The following GNA14 variants were observed in gnomAD, a reference collection of about 807,000 sequenced individuals.
The protein encoded by GNA14 is guanine nucleotide-binding protein subunit alpha-14.
GNA14 carries 50 observed loss-of-function variants against 42.0 expected under a neutral mutation model. That is an observed-to-expected ratio of 1.19 (90% CI 0.95 to 1.51). The LOEUF is 1.51. GNA14 is among the 40% of genes most tolerant of loss of function. GNA14 has a pLI of 0.00. For synonymous variants in GNA14, 173 were observed against 163.1 expected (o/e 1.06, Z -0.46); for missense variants, 473 against 446.2 (o/e 1.06, Z -0.54).
chr9:77,600,949 G>A (rs1483716264), intron 1 of GNA14, among the ~76,000 whole-genome samples: 1 of 152,174 alleles, frequency 6.6e-6, no homozygotes, highest in Non-Finnish European at 1.5e-5. Flanking sequence ...AAACAGATTA[G>A]GAGTGAAGAA....
rs984885199 is a variant in GNA14 at position 77,525,057 on chromosome 9, T to C, written c.309+4012A>G. ...TTTTACATGGCCCATGAGTCAAAAA[T>C]AGTTCTTACTATTCTCAACTGTATT... On this transcript the variant is annotated intron_variant, in intron 2 of 6. Coordinates refer to ENST00000341700, the MANE Select transcript of GNA14 (RefSeq NM_004297.4). Among the ~76,000 whole-genome samples the C allele has an allele frequency of 2.0e-5, 3 of 152,204 alleles. No homozygotes were observed. The East Asian group carries it at 5.8e-4, about 29-fold the overall frequency.
chr9:77,496,107 T>C (rs914570165), intron 2 of GNA14, among the ~76,000 whole-genome samples: 11 of 152,222 alleles, frequency 7.2e-5, no homozygotes, highest in African/African-American at 2.7e-4. Flanking sequence ...AAACTTTTAC[T>C]GTATTCTCTG....
intron 2 of GNA14, among the ~76,000 whole-genome samples, chr9:77,489,506 T>G (rs1225646978): frequency 2.0e-5 from 3 of 152,174 alleles, no homozygotes; most frequent in Non-Finnish European, 4.4e-5. Flanking sequence ...GACAAGTGTG[T>G]CCGGAATTGG....
chr9:77,466,459 T>C (rs1285570729), intron 2 of GNA14, among the ~76,000 whole-genome samples: 2 of 152,218 alleles, frequency 1.3e-5, no homozygotes, highest in African/African-American at 4.8e-5. Flanking sequence ...ATTTGGTTCA[T>C]TTTTATAATT....
At chr9:77,464,696 C>A (rs182310419) in intron 2 of GNA14, among the ~76,000 whole-genome samples, 1 of 152,188 alleles carries the variant, frequency 6.6e-6, no homozygotes, top group Admixed American at 6.5e-5. Flanking sequence ...AACCGCCGTA[C>A]CTATTAGGAT....
chr9:77,543,579 C>T (rs1837685704), intron 1 of GNA14, among the ~76,000 whole-genome samples: 1 of 152,212 alleles, frequency 6.6e-6, no homozygotes. Context: ...AGTCTCAAGG[C>T]CTGCAAGGGT....
chr9:77,433,583 G>A (rs995437954), intron 3 of GNA14, among the ~76,000 whole-genome samples: 6 of 151,842 alleles, frequency 4.0e-5, no homozygotes, highest in Admixed American at 3.3e-4. Context: ...GGCTAGTCTC[G>A]AATTCCTGGT....
intron 1 of GNA14, among the ~76,000 whole-genome samples, chr9:77,629,889 C>T (rs1327293037): frequency 6.6e-6 from 1 of 152,050 alleles, no homozygotes; most frequent in Non-Finnish European, 1.5e-5. Context: ...AAAAAGAATA[C>T]TCTCAAGACA....
chr9:77,569,239 T>C (rs894824), intron 1 of GNA14, among the ~76,000 whole-genome samples: 62,841 of 151,770 alleles, frequency 0.41, 14,558 homozygotes, highest in East Asian at 0.58. Flanking sequence ...TAATATATGT[T>C]TCAAGCATGC....
intron 1 of GNA14, among the ~76,000 whole-genome samples, chr9:77,641,540 T>C (rs1439203296): frequency 6.7e-6 from 1 of 148,286 alleles, no homozygotes; most frequent in Non-Finnish European, 1.5e-5. Flanking sequence ...CGTAAGAAAA[T>C]CACCAGTTAA....
chr9:77,490,853 GCTC>G (rs1360462977), intron 2 of GNA14, among the ~76,000 whole-genome samples: 2 of 152,256 alleles, frequency 1.3e-5, no homozygotes, highest in African/African-American at 4.8e-5. Flanking sequence ...GGGCTGAAGG[GCTC>G]CTCAAGTGCC....
intron 1 of GNA14, among the ~76,000 whole-genome samples, chr9:77,566,145 CTTTTTTTTTTTTTTT>C (rs956489720): frequency 2.9e-5 from 3 of 102,510 alleles, no homozygotes; most frequent in African/African-American, 4.0e-5. Context: ...GGGAGTGCTT[CTTTTTTTTTTTTTTT>C]TTTTTTTTTT....
intron 1 of GNA14, among the ~76,000 whole-genome samples, chr9:77,597,211 A>G (rs1394667703): frequency 6.6e-6 from 1 of 152,152 alleles, no homozygotes; most frequent in East Asian, 1.9e-4. Flanking sequence ...TATTGGCAGC[A>G]CTCCCAACAA....
At chr9:77,459,248 G>A (rs11145431) in intron 2 of GNA14, among the ~76,000 whole-genome samples, 2 of 122,698 alleles carry the variant, frequency 1.6e-5, no homozygotes, top group Non-Finnish European at 1.8e-5. Flanking sequence ...GGAAAAAAAA[G>A]AAAAAAAAGA....
chr9:77,587,711 G>C (rs968459135), intron 1 of GNA14, among the ~76,000 whole-genome samples: 4 of 152,194 alleles, frequency 2.6e-5, no homozygotes, highest in African/African-American at 7.2e-5. Flanking sequence ...CCTAGATAGA[G>C]TGTTTGCATA....
chr9:77,514,893 A>G (rs536659213), intron 2 of GNA14, among the ~76,000 whole-genome samples: 22 of 152,276 alleles, frequency 1.4e-4, no homozygotes, highest in African/African-American at 5.1e-4. Flanking sequence ...GATTACAGGC[A>G]TGAGCCACTG....
At chr9:77,579,113 A>T (rs557884574) in intron 1 of GNA14, among the ~76,000 whole-genome samples, 9 of 152,290 alleles carry the variant, frequency 5.9e-5, no homozygotes, top group African/African-American at 2.2e-4. Context: ...TCTGAGATCT[A>T]GGGCATCAGT....
intron 2 of GNA14, among the ~76,000 whole-genome samples, chr9:77,515,535 A>G (rs544987987): frequency 3.5e-4 from 53 of 152,338 alleles, no homozygotes; most frequent in South Asian, 2.5e-3. Context: ...TGCCAAAACT[A>G]TGTTATAATA....
At chr9:77,452,143 TC>T (rs1835911173) in intron 2 of GNA14, among the ~76,000 whole-genome samples, 1 of 152,134 alleles carries the variant, frequency 6.6e-6, no homozygotes, top group African/African-American at 2.4e-5. Context: ...AATACACTGG[TC>T]CTGTCAGCAG....
Sources: allele counts gnomAD v4.1 joint callset (sites outside exome capture counted in the v4.1 genomes callset), GRCh38; gene constraint gnomAD v4.1.1; transcripts MANE v1.5; gene names NCBI Gene and HGNC (gene_info 2026-07-23, HGNC 2026-07-21).